The following CDKL1 variants were observed in gnomAD, a reference collection of about 807,000 sequenced individuals.
The protein encoded by CDKL1 is cyclin dependent kinase like 1, also known as cyclin-dependent kinase-like 1.
Under a neutral mutation model 42.0 loss-of-function variants are expected in CDKL1, and 41 were observed. The observed-to-expected ratio is 0.98, with a 90% CI of 0.76 to 1.27. The LOEUF (loss-of-function observed/expected upper bound fraction) is 1.27, where lower values mean the gene tolerates loss of function less well. Ranked by LOEUF, CDKL1 falls within the 50% of genes most tolerant of loss-of-function variation. CDKL1 has a pLI of 0.00. For synonymous variants in CDKL1, 153 were observed against 158.6 expected, an observed-to-expected ratio of 0.96 and a Z score of 0.26; for missense variants, 394 against 428.4, an observed-to-expected ratio of 0.92 and a Z score of 0.71.
intron 3 of CDKL1, among the ~76,000 whole-genome samples, chr14:50,355,361 C>T (rs1246951699): frequency 6.6e-6 from 1 of 152,172 alleles, no homozygotes; most frequent in Non-Finnish European, 1.5e-5. Context: ...GATAATGCCT[C>T]TAAGACTTTT....
intron 8 of CDKL1, chr14:50,333,421 C>G (rs1056945865): frequency 6.6e-6 from 1 of 152,208 alleles, no homozygotes; most frequent in African/African-American, 2.4e-5. Context: ...AGCACCATGA[C>G]AGTCTACAAA....
intron 3 of CDKL1, among the ~76,000 whole-genome samples, chr14:50,353,957 CTTTT>C (rs529856608): frequency 7.0e-6 from 1 of 142,902 alleles, no homozygotes. Context: ...TCAATTTTTT[CTTTT>C]TTTTTTTTTT....
chr14:50,363,691 A>C (rs2034353660), intron 2 of CDKL1, among the ~76,000 whole-genome samples: 1 of 152,198 alleles, frequency 6.6e-6, no homozygotes. Context: ...AAAAGTAGAA[A>C]TGCATCAATT....
At chr14:50,358,696 A>G (rs529234157) in intron 3 of CDKL1, among the ~76,000 whole-genome samples, 110 of 125,344 alleles carry the variant, frequency 8.8e-4, no homozygotes, top group African/African-American at 3.3e-3. Flanking sequence ...CTGGAGTGCA[A>G]TGGTGCAATC....
chr14:50,340,757 GTTA>G (rs944303775), intron 6 of CDKL1, among the ~76,000 whole-genome samples: 3 of 152,174 alleles, frequency 2.0e-5, no homozygotes, highest in Admixed American at 6.5e-5. Context: ...TTTTATTGTT[GTTA>G]TTGTCATTAT....
chr14:50,349,373 TG>T (rs1182390979), intron 3 of CDKL1, among the ~76,000 whole-genome samples: 1 of 152,252 alleles, frequency 6.6e-6, no homozygotes, highest in African/African-American at 2.4e-5. Flanking sequence ...ACCTCTCATC[TG>T]CTCTTTCTCA....
At chr14:50,381,553 G>A (rs1365000067) in intron 2 of CDKL1, among the ~76,000 whole-genome samples, 1 of 152,156 alleles carries the variant, frequency 6.6e-6, no homozygotes, top group Non-Finnish European at 1.5e-5. Flanking sequence ...GATGTGCACC[G>A]TGGATGCTTG....
intron 8 of CDKL1, chr14:50,332,996 A>G (rs146755006): frequency 4.4e-5 from 11 of 247,296 alleles, no homozygotes; most frequent in Middle Eastern, 1.3e-3. Context: ...GGCATAACGT[A>G]CATGCCTTTA....
intron 2 of CDKL1, chr14:50,362,936 CAATA>C: frequency 2.2e-6 from 1 of 462,690 alleles, no homozygotes; most frequent in Non-Finnish European, 4.5e-6. Flanking sequence ...TCACTCTTTG[CAATA>C]AATCTTGCTG....
chr14:50,381,290 G>T (rs1311543455), intron 2 of CDKL1, among the ~76,000 whole-genome samples: 1 of 152,194 alleles, frequency 6.6e-6, no homozygotes, highest in Non-Finnish European at 1.5e-5. Flanking sequence ...TCAAGTGACT[G>T]AGTAACCCAA....
chr14:50,331,947 C>G (rs4901015), intron 9 of CDKL1: 2 of 1,269,862 alleles, frequency 1.6e-6, no homozygotes, highest in South Asian at 3.1e-5. Context: ...AATCTGATTT[C>G]ATTTTCCAAA....
chr14:50,340,340 C>T lies in CDKL1; in HGVS notation c.655+692G>A, dbSNP rs11570843. On this transcript the variant is annotated intron_variant, in intron 6 of 9. Transcript: ENST00000395834. ...GATAAGATTACAAGGGAAGGCATGG[C>T]GATGGCAGTTCCTACAAGAGTTTAG... Among the ~76,000 whole-genome samples the T allele has an allele frequency of 6.4e-3, 974 of 152,266 alleles. 5 individuals carry two copies. Among genetic ancestry groups the T allele is most frequent in the African/African-American group, 0.019 (798 of 41,542 alleles).
chr14:50,375,684 C>G (rs1184808837), intron 2 of CDKL1, among the ~76,000 whole-genome samples: 1 of 152,100 alleles, frequency 6.6e-6, no homozygotes, highest in Non-Finnish European at 1.5e-5. Flanking sequence ...GTAATCCCAG[C>G]TACTTGGGAG....
At chr14:50,382,459 A>G (rs112104047) in intron 2 of CDKL1, among the ~76,000 whole-genome samples, 27 of 149,816 alleles carry the variant, frequency 1.8e-4, no homozygotes, top group African/African-American at 6.6e-4. Flanking sequence ...TCAAAAAAAA[A>G]TTTTTTTTTT....
In CDKL1 at chr14:50,342,117, A is replaced by C; in HGVS notation, c.454+15T>G. 1 of 1,607,294 alleles carries C rather than the reference A, an allele frequency of 6.2e-7. No individual in the cohort carries two copies. Among genetic ancestry groups the C allele is most frequent in the Admixed American group, 1.7e-5 (1 of 59,986 alleles). ...TCATTTTTTATACTTAACAAAAGAA[A>C]ATGTCAATACTCACTCAAAAGCCGA... On this transcript the variant is annotated intron_variant, in intron 5 of 9. Transcript: ENST00000395834.
chr14:50,350,548 CAT>C (rs2033871557), intron 3 of CDKL1, among the ~76,000 whole-genome samples: 1 of 152,118 alleles, frequency 6.6e-6, no homozygotes, highest in Admixed American at 6.5e-5. Context: ...TTAGACGAGC[CAT>C]ATATATCCCC....
intron 2 of CDKL1, among the ~76,000 whole-genome samples, chr14:50,391,148 T>C (rs2035246463): frequency 6.6e-6 from 1 of 152,144 alleles, no homozygotes; most frequent in African/African-American, 2.4e-5. Context: ...CTTCTTGATT[T>C]AACGTGATTT....
At chr14:50,358,417 C>A in intron 3 of CDKL1, among the ~76,000 whole-genome samples, 1 of 152,114 alleles carries the variant, frequency 6.6e-6, no homozygotes, top group East Asian at 1.9e-4. Flanking sequence ...CCTGGTCAGG[C>A]ATAGACTAAC....
Position 50,348,421 on chromosome 14 carries a change from G to A in CDKL1, c.291-3363C>T, listed in dbSNP as rs374700477. ...AGCAGAGGACATTTGGCATACGTGA[G>A]ATTGTGGATACCGTTCTGAAAATGT... is the stretch of plus-strand genomic sequence containing the variant. On this transcript the variant is annotated intron_variant, in intron 3 of 9. Transcript: ENST00000395834. 3.0e-4 allele frequency among the ~76,000 whole-genome samples: 45 copies of A among 152,300 alleles called. 1 individual carries two copies. The highest frequency in any genetic ancestry group is 1.0e-3 in the African/African-American group (43 of 41,560).
Sources: gnomAD v4.1 joint callset for allele counts (sites outside exome capture counted in the v4.1 genomes callset) on GRCh38, gnomAD v4.1.1 for gene constraint, MANE v1.5 for transcripts, NCBI Gene and HGNC (gene_info 2026-07-23, HGNC 2026-07-21) for gene names.